Variants in GABRR1 observed in about 807,000 individuals in gnomAD.
GABRR1 encodes gamma-aminobutyric acid receptor subunit rho-1.
GABRR1 carries 59 observed loss-of-function variants against 55.5 expected under a neutral mutation model. The ratio of observed to expected loss-of-function variants is 1.06; its 90% CI spans 0.86 to 1.32. The LOEUF (loss-of-function observed/expected upper bound fraction) is 1.32, where lower values mean the gene tolerates loss of function less well. Ranked by LOEUF, GABRR1 falls within the 40% of genes most tolerant of loss-of-function variation. The probability of loss-of-function intolerance (pLI) is 0.00; values close to 1 mark genes in which losing one functional copy is unlikely to be tolerated. For synonymous variants in GABRR1, 213 were observed against 226.0 expected (o/e 0.94, Z 0.51); for missense variants, 602 against 619.1 (o/e 0.97, Z 0.29).
At chr6:89,194,037 T>C (rs888718167) in intron 5 of GABRR1, among the ~76,000 whole-genome samples, 1 of 152,132 alleles carries the variant, frequency 6.6e-6, no homozygotes, top group African/African-American at 2.4e-5. Flanking sequence ...TGTCAGGAGA[T>C]TTGTCCTTAC....
At chr6:89,211,904 T>C (rs9353653) in intron 1 of GABRR1, among the ~76,000 whole-genome samples, 85,593 of 151,948 alleles carry the variant, frequency 0.56, 24,387 homozygotes, top group South Asian at 0.62. Flanking sequence ...GTCCTTGATC[T>C]GGTCCTTATT....
At chr6:89,180,547 T>C (rs1226454324) in intron 8 of GABRR1, 59 bp from the exon 9 acceptor site, 5 of 1,582,738 alleles carry the variant, frequency 3.2e-6, no homozygotes, top group Non-Finnish European at 4.3e-6. Flanking sequence ...CACAGGATGG[T>C]TTCATGTCTC....
rs183349071 is a variant in GABRR1, at chr6:89,185,219, C to T, written c.796+91G>A. On this transcript the variant is annotated intron_variant, in intron 7 of 9. Transcript: ENST00000454853. ...AATATAAGTGACACTGCTCACCTGA[C>T]GACCAATTCAAACCTTTCCTATAAT... 2.5e-4 allele frequency: 373 copies of T among 1,514,476 alleles called. 1 individual carries two copies. The Middle Eastern group carries it at 3.6e-3, about 15-fold the overall frequency. 93.8% of individuals were successfully genotyped at this position (1,514,476 alleles called of 1,614,324 possible).
At chr6:89,225,508 T>C (rs1773186198) in intron 1 of GABRR1, among the ~76,000 whole-genome samples, 1 of 138,108 alleles carries the variant, frequency 7.2e-6, no homozygotes, top group African/African-American at 2.8e-5. Flanking sequence ...AGTGAGAATA[T>C]GCGGTGTTTG....
chr6:89,209,182 T>C (rs2127804760), intron 1 of GABRR1, among the ~76,000 whole-genome samples: 1 of 152,320 alleles, frequency 6.6e-6, no homozygotes, highest in South Asian at 2.1e-4. Context: ...ATCATCCCTT[T>C]TTTTTCCTTG....
intron 5 of GABRR1, among the ~76,000 whole-genome samples, chr6:89,191,625 G>A (rs1272468782): frequency 6.6e-6 from 1 of 152,146 alleles, no homozygotes; most frequent in Non-Finnish European, 1.5e-5. Context: ...GCAACCATTT[G>A]TGATGTAATC....
At chr6:89,184,296 T>C (rs1291584448) in intron 7 of GABRR1, among the ~76,000 whole-genome samples, 1 of 149,660 alleles carries the variant, frequency 6.7e-6, no homozygotes, top group Non-Finnish European at 1.5e-5. Context: ...ATACAATTCA[T>C]CGATGTAATC....
At chr6:89,222,484 C>T (rs999597539) in intron 1 of GABRR1, among the ~76,000 whole-genome samples, 2 of 152,134 alleles carry the variant, frequency 1.3e-5, no homozygotes, top group African/African-American at 2.4e-5. Context: ...TCAGTCAGAC[C>T]GTTAATATAA....
chr6:89,202,436 C>T lies in GABRR1; in HGVS notation c.173+999G>A, dbSNP rs954780168. Among the ~76,000 whole-genome samples, 11 of 152,046 alleles carry T rather than the reference C, an allele frequency of 7.2e-5. No individual in the cohort carries two copies. In the South Asian group the frequency reaches 1.5e-3, roughly 20 times the overall value. The stretch of plus-strand genomic sequence containing the variant: ...CCTCCCAAGTAGTTGGGATTACAGG[C>T]GCCTGCCACCACGCCTGGCTAAGTT... On this transcript the variant is annotated intron_variant, in intron 2 of 9. Coordinates refer to ENST00000454853, the MANE Select transcript of GABRR1 (RefSeq NM_002042.5).
At position 89,225,894 on chromosome 6, in the gene GABRR1, G is replaced by T. The variant is rs1302269372; in HGVS notation, c.-410-4448C>A. ...ACAGTCCCACCAACAATGTAAAAGT[G>T]TTCCTATTTCTCCACATCCTCTCCA... On this transcript the variant is annotated intron_variant, in intron 1 of 11. Coordinates refer to the GABRR1 transcript ENST00000369451. Among the ~76,000 whole-genome samples the T allele has an allele frequency of 2.1e-5, 3 of 141,304 alleles. No individual in the cohort carries two copies. The East Asian group carries it at 5.9e-4, about 28-fold the overall frequency. The allele number at this position is 141,304 out of a possible 152,430, so 92.7% of individuals were successfully genotyped here.
chr6:89,186,851 C>G (rs1771917123), intron 6 of GABRR1, among the ~76,000 whole-genome samples: 1 of 152,202 alleles, frequency 6.6e-6, no homozygotes, highest in South Asian at 2.1e-4. Flanking sequence ...TACACCCTTT[C>G]CCCACATTCA....
At chr6:89,195,194 C>T (rs1582387343) in intron 5 of GABRR1, among the ~76,000 whole-genome samples, 1 of 152,136 alleles carries the variant, frequency 6.6e-6, no homozygotes, top group Admixed American at 6.5e-5. Flanking sequence ...GGCATGGTGG[C>T]TCACGTCTGT....
At chr6:89,204,365 G>A (rs1041189199) in intron 1 of GABRR1, among the ~76,000 whole-genome samples, 1 of 152,226 alleles carries the variant, frequency 6.6e-6, no homozygotes, top group Admixed American at 6.5e-5. Context: ...AGTGGCATGC[G>A]CTTCAGGCGA....
chr6:89,214,219 T>C (rs1258624261), intron 1 of GABRR1, among the ~76,000 whole-genome samples: 1 of 97,746 alleles, frequency 1.0e-5, no homozygotes, highest in Non-Finnish European at 2.2e-5. Context: ...TTTTAAAAGC[T>C]TTCATTTCTT....
intron 1 of GABRR1, among the ~76,000 whole-genome samples, chr6:89,207,389 TTTGCCATG>T (rs1342845112): frequency 6.6e-6 from 1 of 151,940 alleles, no homozygotes; most frequent in Non-Finnish European, 1.5e-5. Context: ...GAGTTGGGGT[TTTGCCATG>T]TTGCCCAGGC....
intron 5 of GABRR1, among the ~76,000 whole-genome samples, chr6:89,191,414 A>AGT (rs1772082569): frequency 6.6e-6 from 1 of 152,224 alleles, no homozygotes; most frequent in African/African-American, 2.4e-5. Flanking sequence ...GCTAAGAACT[A>AGT]ACTTCAGGGA....
chr6:89,200,775 ACT>A (rs1364162492), intron 3 of GABRR1, among the ~76,000 whole-genome samples: 1 of 152,082 alleles, frequency 6.6e-6, no homozygotes, highest in Non-Finnish European at 1.5e-5. Flanking sequence ...CATACCCTGA[ACT>A]CTGTCTGCCA....
Position 89,203,421 on chromosome 6 carries a change from G to A in GABRR1, c.173+14C>T. 6.2e-7 allele frequency: 1 copy of A among 1,611,058 alleles called. No individual in the cohort carries two copies. Among genetic ancestry groups the A allele is most frequent in the Non-Finnish European group, 8.5e-7 (1 of 1,177,258 alleles). On this transcript the variant is annotated intron_variant, in intron 2 of 9. Transcript: ENST00000454853. ...AACATCTGCAGAACAGTGTGCACGTGCTTATGGCCATACCTGACTTGCTTG... is the reference window on the plus strand; with the variant it reads ...AACATCTGCAGAACAGTGTGCACGTACTTATGGCCATACCTGACTTGCTTG...
At chr6:89,198,495 C>T (rs571188031) in intron 4 of GABRR1, among the ~76,000 whole-genome samples, 1 of 152,100 alleles carries the variant, frequency 6.6e-6, no homozygotes, top group Admixed American at 6.5e-5. Flanking sequence ...CTGCTTCAAG[C>T]CCCTGGCATT....
Sources: allele counts gnomAD v4.1 joint callset (sites outside exome capture counted in the v4.1 genomes callset), GRCh38; gene constraint gnomAD v4.1.1; transcripts MANE v1.5; gene names NCBI Gene and HGNC (gene_info 2026-07-23, HGNC 2026-07-21).